The following CRISP2 variants were observed in gnomAD, a reference collection of about 807,000 sequenced individuals.
CRISP2 encodes cysteine rich secretory protein 2, also known as cysteine-rich secretory protein 2.
Under a neutral mutation model 31.7 loss-of-function variants are expected in CRISP2, and 29 were observed. The ratio of observed to expected loss-of-function variants is 0.92; its 90% CI spans 0.68 to 1.25. The LOEUF (loss-of-function observed/expected upper bound fraction) is 1.25. Among genes scored for constraint, CRISP2 ranks in the 50% most tolerant of loss-of-function variants. The pLI is 0.00. For missense variants in CRISP2, 318 were observed against 286.5 expected (o/e 1.11, Z -0.79); for synonymous variants, 111 against 101.4 (o/e 1.09, Z -0.57).
At chr6:49,688,496 T>C (rs1444938188), downstream of CRISP2, among the ~76,000 whole-genome samples, 1 of 152,202 alleles carries the variant, frequency 6.6e-6, no homozygotes, top group Non-Finnish European at 1.5e-5. Flanking sequence ...GGGCATTTAC[T>C]AGCAACCTAG....
the CRISP2 span, among the ~76,000 whole-genome samples, chr6:49,682,985 C>G: frequency 7.3e-5 from 11 of 151,710 alleles, no homozygotes; most frequent in African/African-American, 2.7e-4. Context: ...ATGGCGAAAC[C>G]CCATCTCTAT....
the CRISP2 span, among the ~76,000 whole-genome samples, chr6:49,687,098 T>C: frequency 6.6e-6 from 1 of 152,086 alleles, no homozygotes. Context: ...ATATACCTAA[T>C]GCTAAATGAT....
intron 4 of CRISP2, among the ~76,000 whole-genome samples, chr6:49,705,357 T>C (rs1766840907): frequency 1.3e-5 from 2 of 152,110 alleles, no homozygotes; most frequent in Admixed American, 1.3e-4. Context: ...ACCCCTGCTG[T>C]GCTCCCTCAA....
At chr6:49,698,582 A>G in intron 6 of CRISP2, 75 bp from the exon 7 acceptor site, 2 of 1,489,520 alleles carry the variant, frequency 1.3e-6, no homozygotes, top group Non-Finnish European at 1.8e-6. Context: ...AAACACAAAG[A>G]TGTTGCCTTT....
chr6:49,704,243 T>G (rs990513970), intron 4 of CRISP2, among the ~76,000 whole-genome samples: 3 of 152,144 alleles, frequency 2.0e-5, no homozygotes, highest in Admixed American at 6.6e-5. Flanking sequence ...TTCTGGAAAT[T>G]TTTTCATTCA....
At position 49,705,673 on chromosome 6, in the gene CRISP2, C is replaced by T. The variant is rs1766898070; in HGVS notation, c.66+3458G>A. Among the ~76,000 whole-genome samples the T allele has an allele frequency of 2.6e-5, 4 of 152,216 alleles. No individual in the cohort carries two copies. The South Asian group carries it at 8.3e-4, about 32-fold the overall frequency. On this transcript the variant is annotated intron_variant, in intron 4 of 9. Coordinates refer to ENST00000339139, the MANE Select transcript of CRISP2 (RefSeq NM_003296.4). ...TGTGAGATAAAGTCAGAAATGGCTT[C>T]CCTGGGCTTCTGTGGGAACTGGGAG...
downstream of CRISP2, among the ~76,000 whole-genome samples, chr6:49,690,707 AC>A (rs753538811): frequency 3.3e-5 from 5 of 152,048 alleles, no homozygotes; most frequent in African/African-American, 4.8e-5. Flanking sequence ...TTAGATTTGG[AC>A]ATTTTCGTTG....
At chr6:49,709,260 A>G in intron 3 of CRISP2, 55 bp from the exon 4 acceptor site, 1 of 1,450,514 alleles carries the variant, frequency 6.9e-7, no homozygotes. Context: ...AAAAACTTCT[A>G]AGAGGGGGAA....
At chr6:49,677,071 G>C in the CRISP2 span, among the ~76,000 whole-genome samples, 1 of 152,132 alleles carries the variant, frequency 6.6e-6, no homozygotes, top group Non-Finnish European at 1.5e-5. Context: ...GGGCAAGCTG[G>C]CTTAATGATT....
chr6:49,703,427 A>G (rs528227523), intron 4 of CRISP2, among the ~76,000 whole-genome samples: 10 of 152,166 alleles, frequency 6.6e-5, no homozygotes, highest in Admixed American at 4.6e-4. Flanking sequence ...TCATTCTTAC[A>G]ATGTTGATTT....
the CRISP2 span, among the ~76,000 whole-genome samples, chr6:49,679,584 G>T: frequency 6.6e-6 from 1 of 152,002 alleles, no homozygotes; most frequent in African/African-American, 2.4e-5. Flanking sequence ...TGTCAAATTT[G>T]GTGTCTGCCT....
intron 9 of CRISP2, among the ~76,000 whole-genome samples, chr6:49,694,541 T>C (rs958659532): frequency 2.0e-5 from 3 of 151,828 alleles, no homozygotes; most frequent in South Asian, 4.2e-4. Flanking sequence ...CAAGGCAGAG[T>C]ACCCCACACA....
intron 5 of CRISP2, 99 bp from the exon 6 acceptor site, chr6:49,699,990 T>C (rs866481493): frequency 3.8e-6 from 4 of 1,057,440 alleles, no homozygotes; most frequent in Middle Eastern, 2.1e-4. Context: ...TTTCTGTAGA[T>C]GTATTCTCTA....
chr6:49,697,022 A>G (rs751908736), intron 8 of CRISP2, among the ~76,000 whole-genome samples: 2 of 152,172 alleles, frequency 1.3e-5, no homozygotes, highest in Non-Finnish European at 2.9e-5. Context: ...GGTACTTTAA[A>G]GAAAATGACT....
At chr6:49,711,146 AAAAC>A (rs773871561) in intron 3 of CRISP2, 135 bp downstream of exon 3, 57 of 145,394 alleles carry the variant, frequency 3.9e-4, no homozygotes, top group Non-Finnish European at 1.8e-4. Flanking sequence ...CCCTGTCTCT[AAAAC>A]AAACAAACAA....
the CRISP2 span, among the ~76,000 whole-genome samples, chr6:49,679,164 A>AT: frequency 6.6e-6 from 1 of 152,188 alleles, no homozygotes; most frequent in Non-Finnish European, 1.5e-5. Context: ...TACTGTTGTC[A>AT]TAAGTCATTT....
At position 49,695,941 on chromosome 6, in the gene CRISP2, A is replaced by G. The variant is rs746753871; in HGVS notation, c.516-17T>C. ...TTATTACCACTGAAATTTGAAATAC[A>G]TGTCAAATATTTTTCACTTTACTGT... On this transcript the variant is annotated splice_polypyrimidine_tract_variant and intron_variant, in intron 8 of 9. Transcript: ENST00000339139. The G allele has an allele frequency of 1.6e-5, 25 of 1,541,570 alleles. No homozygotes were observed. The highest frequency in any genetic ancestry group is 6.8e-5 in the South Asian group (6 of 88,442).
intron 4 of CRISP2, among the ~76,000 whole-genome samples, chr6:49,707,747 GCA>G (rs1310066338): frequency 6.6e-6 from 1 of 152,152 alleles, no homozygotes; most frequent in Non-Finnish European, 1.5e-5. Flanking sequence ...AGTCTAATGT[GCA>G]CAGAGTTAAT....
chr6:49,677,208 T>C, the CRISP2 span, among the ~76,000 whole-genome samples: 2 of 152,164 alleles, frequency 1.3e-5, no homozygotes, highest in Admixed American at 1.3e-4. Flanking sequence ...ATCTTGGCGA[T>C]GGTTTCATTC....
Sources: gnomAD v4.1 joint callset for allele counts (sites outside exome capture counted in the v4.1 genomes callset) on GRCh38, gnomAD v4.1.1 for gene constraint, MANE v1.5 for transcripts, NCBI Gene and HGNC (gene_info 2026-07-23, HGNC 2026-07-21) for gene names.